Variants in RAPGEF2 observed in about 807,000 individuals in gnomAD.
The protein encoded by RAPGEF2 is Rap guanine nucleotide exchange factor 2, also known as PDZ domain containing guanine nucleotide exchange factor (GEF) 1.
Under a neutral mutation model 186.7 loss-of-function variants are expected in RAPGEF2, and 54 were observed. That is an observed-to-expected ratio of 0.29 (90% CI 0.23 to 0.36). The LOEUF is 0.36. Ranked by LOEUF, RAPGEF2 falls within the 10% of genes least tolerant of loss-of-function variation. The pLI, the probability that RAPGEF2 is intolerant of heterozygous loss-of-function variation, is 1.00. For synonymous variants in RAPGEF2, 712 were observed against 705.9 expected, an observed-to-expected ratio of 1.01 and a Z score of -0.14; for missense variants, 1,532 against 2,045.0, an observed-to-expected ratio of 0.75 and a Z score of 4.84.
intron 1 of RAPGEF2, among the ~76,000 whole-genome samples, chr4:159,129,982 G>A (rs1367965490): frequency 6.6e-6 from 1 of 152,186 alleles, no homozygotes; most frequent in East Asian, 1.9e-4. Context: ...TTATTTATGA[G>A]TTTTCCTGGA....
In RAPGEF2 at chr4:159,267,657, G is replaced by A. The variant is rs979568230; in HGVS notation, c.543+23866G>A. ...GTTGGAGGGTTCTGTATGTGTGATTGCAGATGAAACAAGGGTATTAACAAT... is the reference window on the plus strand; with the variant it reads ...GTTGGAGGGTTCTGTATGTGTGATTACAGATGAAACAAGGGTATTAACAAT... On this transcript the variant is annotated intron_variant, in intron 7 of 29. Transcript: ENST00000691494. 4.2e-6 allele frequency: 3 copies of A among 715,468 alleles called. No homozygotes were observed. In the African/African-American group the frequency reaches 5.7e-5, roughly 13 times the overall value. The allele number at this position is 715,468 out of a possible 1,614,324, so 44.3% of individuals were successfully genotyped here. A position where few individuals can be genotyped will look rare whatever the true frequency, so the allele number is the denominator to read the frequency against.
At chr4:159,322,307 A>C in intron 9 of RAPGEF2, 40 bp from the exon 10 acceptor site, 1 of 1,579,460 alleles carries the variant, frequency 6.3e-7, no homozygotes. Flanking sequence ...GTTTTTAATA[A>C]AAGTAGTAGT....
chr4:159,251,039 C>G (rs1445082549), intron 7 of RAPGEF2, among the ~76,000 whole-genome samples: 2 of 152,192 alleles, frequency 1.3e-5, no homozygotes, highest in Non-Finnish European at 2.9e-5. Flanking sequence ...TGCTGCTGGC[C>G]AGGGCAGTGA....
chr4:159,355,932 A>C lies in RAPGEF2; in HGVS notation c.4731A>C (p.Glu1577Asp). ...GAATTCCCATTACTGACTTTCCAGAAGGGCACTCCCATCCAGCCAGGAAAC... is the reference window on the plus strand; with the variant it reads ...GAATTCCCATTACTGACTTTCCAGACGGGCACTCCCATCCAGCCAGGAAAC... ...YIGIPITDFP[E>D]GHSHPARKPP... Residue 1577 changes from glutamate (E) to aspartate (D), a missense_variant, in exon 29 of 30, where the codon GAA (glutamate) becomes GAC (aspartate). Coordinates refer to ENST00000691494, the MANE Select transcript of RAPGEF2 (RefSeq NM_001394067.2). 2 of 1,598,934 alleles carry C rather than the reference A, an allele frequency of 1.3e-6. No homozygotes were observed. The highest frequency in any genetic ancestry group is 1.7e-6 in the Non-Finnish European group (2 of 1,173,242).
At chr4:159,192,871 C>T (rs577944771) in intron 2 of RAPGEF2, among the ~76,000 whole-genome samples, 3 of 152,234 alleles carry the variant, frequency 2.0e-5, no homozygotes, top group African/African-American at 7.2e-5. Flanking sequence ...GGTTCCTTCT[C>T]AGTTTTTATT....
At chr4:159,304,809 C>T (rs1329668536) in intron 8 of RAPGEF2, among the ~76,000 whole-genome samples, 1 of 151,996 alleles carries the variant, frequency 6.6e-6, no homozygotes, top group African/African-American at 2.4e-5. Flanking sequence ...CTACATGGTG[C>T]CCGTTAAGTA....
rs1476760382 is a variant in RAPGEF2, at chr4:159,209,169, G to T, written c.198-1331G>T. ...AGCCTCCCAAAGTGCTGAGATTATA[G>T]GTGTGAGCCACCATGCCCAGCCAAA... is the stretch of plus-strand genomic sequence containing the variant. On this transcript the variant is annotated intron_variant, in intron 3 of 29. Transcript: ENST00000691494. 2.9e-5 allele frequency among the ~76,000 whole-genome samples: 4 copies of T among 136,932 alleles called. No individual in the cohort carries two copies. The South Asian group carries it at 9.6e-4, about 33-fold the overall frequency. 89.8% of individuals were successfully genotyped at this position (136,932 alleles called of 152,430 possible).
intron 1 of RAPGEF2, among the ~76,000 whole-genome samples, chr4:159,148,039 CAT>C (rs1324426651): frequency 1.6e-4 from 25 of 152,180 alleles, no homozygotes; most frequent in Admixed American, 1.4e-3. Flanking sequence ...CAACAATAGA[CAT>C]ATTTTATGAA....
At chr4:159,112,955 G>A (rs556299857) in intron 1 of RAPGEF2, among the ~76,000 whole-genome samples, 22 of 152,278 alleles carry the variant, frequency 1.4e-4, no homozygotes, top group African/African-American at 5.3e-4. Context: ...TCAACATCAT[G>A]TGTCTGCTGA....
chr4:159,174,745 G>A (rs533718561), intron 1 of RAPGEF2, among the ~76,000 whole-genome samples: 1 of 143,744 alleles, frequency 7.0e-6, no homozygotes, highest in South Asian at 2.2e-4. Flanking sequence ...CTTCATACAT[G>A]TCTTTTCTTT....
At chr4:159,251,745 GCCAATCAGCTGTCTGTAAAATGGA>G (rs1226660958) in intron 7 of RAPGEF2, among the ~76,000 whole-genome samples, 50 of 152,092 alleles carry the variant, frequency 3.3e-4, no homozygotes, top group African/African-American at 9.6e-4. Flanking sequence ...GTCAAAACGG[GCCAATCAGCTGTCTGTAAAATGGA>G]CCAATCAGCT....
intron 19 of RAPGEF2, among the ~76,000 whole-genome samples, chr4:159,339,614 A>G (rs1005838829): frequency 6.6e-6 from 1 of 152,214 alleles, no homozygotes; most frequent in African/African-American, 2.4e-5. Flanking sequence ...ACTGACTTCC[A>G]AAATGCGTGC....
chr4:159,205,545 A>C (rs6837247), intron 3 of RAPGEF2, among the ~76,000 whole-genome samples: 47,320 of 151,918 alleles, frequency 0.31, 7,773 homozygotes, highest in Non-Finnish European at 0.37. Context: ...TCTCATGTCA[A>C]ATTGTTGTGC....
rs140114144 is a variant in RAPGEF2, at chr4:159,256,270, G to T, written c.543+12479G>T. 1.3e-4 allele frequency among the ~76,000 whole-genome samples: 20 copies of T among 152,194 alleles called. No individual in the cohort carries two copies. In the East Asian group the frequency reaches 3.9e-3, roughly 29 times the overall value. ...CAGTGTCTGTTGTTCCCCTCCCTGT[G>T]TTCCCTCTTAAAAGTGAGAACATGC... On this transcript the variant is annotated intron_variant, in intron 7 of 29. Coordinates refer to ENST00000691494, the MANE Select transcript of RAPGEF2 (RefSeq NM_001394067.2).
chr4:159,160,018 G>A (rs941612002), intron 1 of RAPGEF2, among the ~76,000 whole-genome samples: 1 of 152,202 alleles, frequency 6.6e-6, no homozygotes, highest in Non-Finnish European at 1.5e-5. Context: ...AGTATGAAAT[G>A]TGATGCTGAA....
intron 7 of RAPGEF2, among the ~76,000 whole-genome samples, chr4:159,293,888 A>G (rs1416327916): frequency 2.0e-5 from 3 of 152,316 alleles, no homozygotes. Flanking sequence ...GGAGGGTCTC[A>G]TGTGTAAGGT....
At chr4:159,297,938 T>C (rs1292738958) in intron 7 of RAPGEF2, among the ~76,000 whole-genome samples, 1 of 152,232 alleles carries the variant, frequency 6.6e-6, no homozygotes, top group Non-Finnish European at 1.5e-5. Flanking sequence ...CAGGTTCACT[T>C]GACTTAGGAG....
intron 1 of RAPGEF2, among the ~76,000 whole-genome samples, chr4:159,150,832 T>G (rs1743460826): frequency 6.6e-6 from 1 of 152,180 alleles, no homozygotes; most frequent in Admixed American, 6.5e-5. Flanking sequence ...TGGAATCAGG[T>G]GATGACCTAG....
intron 1 of RAPGEF2, among the ~76,000 whole-genome samples, chr4:159,168,040 C>T (rs1745510223): frequency 6.6e-6 from 1 of 152,156 alleles, no homozygotes; most frequent in African/African-American, 2.4e-5. Flanking sequence ...GAAATTTTGT[C>T]ATGTTGTCCA....
Sources: gnomAD v4.1 joint callset for allele counts (sites outside exome capture counted in the v4.1 genomes callset) on GRCh38, gnomAD v4.1.1 for gene constraint, MANE v1.5 for transcripts, NCBI Gene and HGNC (gene_info 2026-07-23, HGNC 2026-07-21) for gene names.